Variants in SLC24A2 observed in about 807,000 individuals in gnomAD.
SLC24A2 encodes solute carrier family 24 member 2.
In SLC24A2, 36 loss-of-function variants were observed where a neutral mutation model predicts 62.0. That is an observed-to-expected ratio of 0.58 (90% confidence interval 0.44 to 0.77). The LOEUF (loss-of-function observed/expected upper bound fraction) is 0.77, where lower values mean the gene tolerates loss of function less well. Among genes scored for constraint, SLC24A2 ranks in the 30% least tolerant of loss-of-function variants. The probability of loss-of-function intolerance (pLI) is 0.00; values close to 1 mark genes in which losing one functional copy is unlikely to be tolerated. For missense variants in SLC24A2, 846 were observed against 817.9 expected (o/e 1.03, Z -0.42); for synonymous variants, 358 against 294.0 (o/e 1.22, Z -2.23).
chr9:19,881,922 T>C, the SLC24A2 span, among the ~76,000 whole-genome samples: 1 of 152,226 alleles, frequency 6.6e-6, no homozygotes, highest in East Asian at 1.9e-4. Flanking sequence ...ATAGTGAGCA[T>C]TTCTGCATGT....
chr9:20,048,138 C>T, the SLC24A2 span, among the ~76,000 whole-genome samples: 3 of 152,166 alleles, frequency 2.0e-5, no homozygotes, highest in African/African-American at 4.8e-5. Context: ...AGGAACAATG[C>T]TAAGTGTTTT....
intron 4 of SLC24A2, 32 bp downstream of exon 4, chr9:19,619,552 A>G (rs370380251): frequency 3.8e-5 from 58 of 1,545,256 alleles, no homozygotes; most frequent in Admixed American, 1.0e-4. Flanking sequence ...TTTCCCCCCA[A>G]ACAAGTTCCC....
chr9:19,908,859 T>C, the SLC24A2 span, among the ~76,000 whole-genome samples: 10 of 152,004 alleles, frequency 6.6e-5, no homozygotes, highest in Admixed American at 2.0e-4. Context: ...TGTGGAGAAA[T>C]AGGAACACTT....
chr9:19,858,622 A>C, the SLC24A2 span, among the ~76,000 whole-genome samples: 2 of 152,234 alleles, frequency 1.3e-5, no homozygotes, highest in African/African-American at 4.8e-5. Flanking sequence ...AATATCTAGA[A>C]GATTCATTTA....
intron 2 of SLC24A2, among the ~76,000 whole-genome samples, chr9:19,776,087 G>A (rs1822837538): frequency 6.6e-6 from 1 of 152,156 alleles, no homozygotes; most frequent in African/African-American, 2.4e-5. Context: ...ATGTATGTGT[G>A]CATGCATGTG....
At chr9:20,207,524 T>G in the SLC24A2 span, among the ~76,000 whole-genome samples, 1 of 152,202 alleles carries the variant, frequency 6.6e-6, no homozygotes, top group African/African-American at 2.4e-5. Flanking sequence ...TAATACTCTA[T>G]CCATATCTTT....
At position 19,516,305 on chromosome 9, in the gene SLC24A2, T is replaced by C. The variant is rs774071028; in HGVS notation, c.1834A>G (p.Ile612Val). ...GAGAGGATGACGAAGAGCAGCATGA[T>C]GAAGAGAAGGACGATGGCACAGAAA... ...GLFCAIVLLF[I>V]MLLFVILSIA... Residue 612 changes from isoleucine to valine, a missense_variant, in exon 11 of 11, where the codon ATC becomes GTC. Transcript: ENST00000341998. 6.2e-7 allele frequency: 1 copy of C among 1,614,074 alleles called. No individual in the cohort carries two copies. Among genetic ancestry groups the C allele is most frequent in the South Asian group, 1.1e-5 (1 of 91,074 alleles).
chr9:19,656,120 G>A (rs969676575), intron 2 of SLC24A2, among the ~76,000 whole-genome samples: 1 of 152,164 alleles, frequency 6.6e-6, no homozygotes, highest in Non-Finnish European at 1.5e-5. Context: ...CTGTGAACCA[G>A]AATGTGTTTC....
the SLC24A2 span, among the ~76,000 whole-genome samples, chr9:20,106,075 C>T: frequency 1.5e-4 from 23 of 152,240 alleles, no homozygotes; most frequent in Non-Finnish European, 2.5e-4. Flanking sequence ...AACACCTCTA[C>T]GCAAATGAAC....
the SLC24A2 span, among the ~76,000 whole-genome samples, chr9:19,824,738 C>T: frequency 6.6e-6 from 1 of 152,106 alleles, no homozygotes; most frequent in African/African-American, 2.4e-5. Context: ...TATTGTGGCA[C>T]TGTTCACAAT....
chr9:20,224,777 G>T, the SLC24A2 span, among the ~76,000 whole-genome samples: 2 of 152,142 alleles, frequency 1.3e-5, no homozygotes, highest in East Asian at 3.9e-4. Flanking sequence ...TGCTGTTGGG[G>T]CCCTGCCCAG....
the SLC24A2 span, among the ~76,000 whole-genome samples, chr9:20,288,545 G>A: frequency 6.6e-6 from 1 of 152,086 alleles, no homozygotes; most frequent in Non-Finnish European, 1.5e-5. Context: ...AAGGCAGGTG[G>A]ATCATTTGAG....
At position 19,530,367 on chromosome 9, in the gene SLC24A2, A is replaced by C. The variant is rs1241624974; in HGVS notation, c.1480-2229T>G. Among the ~76,000 whole-genome samples, 3 of 152,184 alleles carry C rather than the reference A, an allele frequency of 2.0e-5. No individual in the cohort carries two copies. The East Asian group carries it at 5.8e-4, about 29-fold the overall frequency. ...TTCTGGGCAATGTATGAGGACAATG[A>C]AAAGCTTTCTACATGCCTTAAGGTG... is the stretch of plus-strand genomic sequence containing the variant. On this transcript the variant is annotated intron_variant, in intron 8 of 10. Coordinates refer to ENST00000341998, the MANE Select transcript of SLC24A2 (RefSeq NM_020344.4).
At chr9:20,253,696 T>G in the SLC24A2 span, among the ~76,000 whole-genome samples, 21 of 152,194 alleles carry the variant, frequency 1.4e-4, no homozygotes, top group Non-Finnish European at 1.5e-5. Context: ...GCCAGGGTTG[T>G]GAACTGCTGC....
In SLC24A2 at chr9:19,593,165, C is replaced by A. The variant is rs535199022; in HGVS notation, c.1129+4064G>T. Reference sequence around the variant, plus strand: ...TTATGAATTCTGCCTGCCCTCACTTCCCAAGATAAGAAAGATGCCTTCCAC... The same window carrying A: ...TTATGAATTCTGCCTGCCCTCACTTACCAAGATAAGAAAGATGCCTTCCAC... On this transcript the variant is annotated intron_variant, in intron 5 of 10. Transcript: ENST00000341998. Among the ~76,000 whole-genome samples the A allele has an allele frequency of 5.9e-5, 9 of 152,316 alleles. No homozygotes were observed. In the South Asian group the frequency reaches 1.9e-3, roughly 32 times the overall value.
the SLC24A2 span, among the ~76,000 whole-genome samples, chr9:20,174,931 C>T: frequency 6.6e-6 from 1 of 151,474 alleles, no homozygotes; most frequent in Non-Finnish European, 1.5e-5. Context: ...TTCACAATTG[C>T]AAAAATGTGT....
At chr9:20,065,280 C>CAGACA in the SLC24A2 span, among the ~76,000 whole-genome samples, 1 of 152,220 alleles carries the variant, frequency 6.6e-6, no homozygotes, top group Non-Finnish European at 1.5e-5. Context: ...AGCAGTCTCC[C>CAGACA]AGACAAGACA....
At chr9:19,821,304 A>G in the SLC24A2 span, among the ~76,000 whole-genome samples, 1 of 152,206 alleles carries the variant, frequency 6.6e-6, no homozygotes, top group Non-Finnish European at 1.5e-5. Context: ...CATCTAGAAT[A>G]CAGAAATAAA....
intron 2 of SLC24A2, among the ~76,000 whole-genome samples, chr9:19,684,511 C>T (rs1295672384): frequency 6.6e-6 from 1 of 152,038 alleles, no homozygotes; most frequent in African/African-American, 2.4e-5. Context: ...ACCCACACTA[C>T]AAGTGAGCAT....
Sources: allele counts gnomAD v4.1 joint callset (sites outside exome capture counted in the v4.1 genomes callset), GRCh38; gene constraint gnomAD v4.1.1; transcripts MANE v1.5; gene names NCBI Gene and HGNC (gene_info 2026-07-23, HGNC 2026-07-21).